Variants in VPS13D observed in about 807,000 individuals in gnomAD.
The protein encoded by VPS13D is vacuolar protein sorting 13 homolog D, also known as intermembrane lipid transfer protein VPS13D.
In VPS13D, 187 loss-of-function variants were observed where a neutral mutation model predicts 461.9. That is an observed-to-expected ratio of 0.40 (90% CI 0.36 to 0.46). The LOEUF (loss-of-function observed/expected upper bound fraction) is 0.46, where lower values mean the gene tolerates loss of function less well. Ranked by LOEUF, VPS13D falls within the 20% of genes least tolerant of loss-of-function variation. The pLI, the probability that VPS13D is intolerant of heterozygous loss-of-function variation, is 0.60. For missense variants in VPS13D, 4,711 were observed against 5,364.9 expected, an observed-to-expected ratio of 0.88 and a Z score of 3.81; for synonymous variants, 1,951 against 1,986.3, an observed-to-expected ratio of 0.98 and a Z score of 0.47.
chr1:12,299,507 A>G lies in VPS13D; in HGVS notation c.6216+123A>G. 1 of 1,147,656 alleles carries G rather than the reference A, an allele frequency of 8.7e-7. No individual in the cohort carries two copies. The highest frequency in any genetic ancestry group is 1.2e-6 in the Non-Finnish European group (1 of 850,902). 71.1% of individuals were successfully genotyped at this position (1,147,656 alleles called of 1,614,324 possible). On this transcript the variant is annotated intron_variant, in intron 25 of 69. Coordinates refer to ENST00000620676, the MANE Select transcript of VPS13D (RefSeq NM_015378.4). This position sits in a 1 kb window ranked among gnomAD's most constrained non-coding sequence, Gnocchi z 4.2. ...TACTTTTGTAGGGTATGTGGCTTGA[A>G]GAATTTTTTTTGGCATTTTATTGAT... is the stretch of plus-strand genomic sequence containing the variant.
At chr1:12,257,820 G>A in intron 9 of VPS13D, 115 bp from the exon 10 acceptor site, 1 of 1,277,732 alleles carries the variant, frequency 7.8e-7, no homozygotes. Context: ...ACTGGTGGCT[G>A]ACAAGAGAAA....
chr1:12,503,791 A>G (rs926975086), intron 68 of VPS13D, among the ~76,000 whole-genome samples: 4 of 152,170 alleles, frequency 2.6e-5, no homozygotes, highest in Non-Finnish European at 4.4e-5. Flanking sequence ...TCGTGGACCA[A>G]AAGCAGGCCT....
intron 65 of VPS13D, among the ~76,000 whole-genome samples, chr1:12,429,796 C>T (rs1248227191): frequency 6.6e-6 from 1 of 152,188 alleles, no homozygotes; most frequent in African/African-American, 2.4e-5. Flanking sequence ...TGACCTGGCT[C>T]TCATGAAGCC....
intron 57 of VPS13D, among the ~76,000 whole-genome samples, chr1:12,380,541 C>G (rs1644259775): frequency 6.6e-6 from 1 of 152,188 alleles, no homozygotes; most frequent in Non-Finnish European, 1.5e-5. Flanking sequence ...TGGCAAATTA[C>G]CAAGGGTTTG....
intron 54 of VPS13D, among the ~76,000 whole-genome samples, chr1:12,373,190 A>G (rs964846157): frequency 1.5e-5 from 2 of 136,928 alleles, no homozygotes; most frequent in Non-Finnish European, 3.0e-5. Flanking sequence ...GTGCAGTCTC[A>G]GCTCACTGCA....
At chr1:12,486,590 C>T (rs973420214) in intron 67 of VPS13D, among the ~76,000 whole-genome samples, 4 of 152,210 alleles carry the variant, frequency 2.6e-5, no homozygotes, top group Non-Finnish European at 4.4e-5. Flanking sequence ...GGCAGCTCTC[C>T]AGTTGCCCTC....
intron 2 of VPS13D, among the ~76,000 whole-genome samples, chr1:12,240,850 C>CA (rs1428218195): frequency 6.6e-6 from 1 of 151,460 alleles, no homozygotes; most frequent in Non-Finnish European, 1.5e-5. Context: ...CCCATGTGGA[C>CA]AAATGTTCCT....
intron 36 of VPS13D, 34 bp downstream of exon 36, chr1:12,327,888 A>T (rs555669172): frequency 2.5e-6 from 4 of 1,598,944 alleles, no homozygotes; most frequent in Non-Finnish European, 1.7e-6. Context: ...ATTCATCTTG[A>T]ATATTTCCAG....
chr1:12,309,419 C>T (rs1230322080), intron 27 of VPS13D, among the ~76,000 whole-genome samples: 2 of 151,290 alleles, frequency 1.3e-5, no homozygotes, highest in Non-Finnish European at 2.9e-5. Context: ...CCATGTTGGC[C>T]AGGATGGTCT....
In VPS13D at chr1:12,277,286, A is replaced by G. The variant is rs1434348339; in HGVS notation, c.3698A>G (p.Gln1233Arg). 3.7e-6 allele frequency: 6 copies of G among 1,614,228 alleles called. No individual in the cohort carries two copies. The highest frequency in any genetic ancestry group is 1.7e-5 in the Admixed American group (1 of 60,030). The change falls in exon 19 of 70, where the codon CAG becomes CGG. Residue 1233 changes from glutamine to arginine, a missense_variant. Around this residue, in one of 3 missense-constraint regions of VPS13D, gnomAD observed 4,411 missense variants for 4,937.8 expected, o/e 0.89. Coordinates refer to ENST00000620676, the MANE Select transcript of VPS13D (RefSeq NM_015378.4). The stretch of plus-strand genomic sequence containing the variant: ...TTGACACAAGATAACGTTAAAAACC[A>G]GTATGTTGTCAGCATTGGGAATTCT... ...MDLTQDNVKN[Q>R]YVVSIGNSVG...
At chr1:12,310,497 C>T (rs1292019921) in intron 27 of VPS13D, among the ~76,000 whole-genome samples, 2 of 152,094 alleles carry the variant, frequency 1.3e-5, no homozygotes, top group Non-Finnish European at 2.9e-5. Context: ...TGTGCCCCTC[C>T]CCCTCTTCAA....
chr1:12,459,445 T>G (rs996546205), intron 66 of VPS13D, among the ~76,000 whole-genome samples: 2 of 152,060 alleles, frequency 1.3e-5, no homozygotes, highest in African/African-American at 4.8e-5. Flanking sequence ...CTACATTTAG[T>G]TATCTCTCTC....
At chr1:12,319,021 T>C (rs1254577625) in intron 31 of VPS13D, among the ~76,000 whole-genome samples, 5 of 152,206 alleles carry the variant, frequency 3.3e-5, no homozygotes, top group Non-Finnish European at 7.3e-5. Context: ...GTTGAAAACT[T>C]ACTGATTTCA....
Position 12,276,901 on chromosome 1 carries a change from C to G in VPS13D, c.3313C>G (p.Leu1105Val). ...NLDSTLQVIS[L>V]QVNNLDIILN... ...AGACAGTACTCTTCAGGTGATTTCC[C>G]TACAGGTGAATAATTTAGATATTAT... The change falls in exon 19 of 70, where the codon CTA (leucine) becomes GTA (valine). Residue 1105 changes from leucine to valine, a missense_variant. Leu to Val is a conservative substitution (Grantham distance 32). Coordinates refer to ENST00000620676, the MANE Select transcript of VPS13D (RefSeq NM_015378.4). This position sits in a 1 kb window ranked among gnomAD's most constrained non-coding sequence, Gnocchi z 4.5. 1 of 1,614,182 alleles carries G rather than the reference C, an allele frequency of 6.2e-7. No individual in the cohort carries two copies. The highest frequency in any genetic ancestry group is 8.5e-7 in the Non-Finnish European group (1 of 1,180,028).
intron 24 of VPS13D, among the ~76,000 whole-genome samples, chr1:12,296,567 T>G (rs1335647045): frequency 6.6e-6 from 1 of 152,230 alleles, no homozygotes; most frequent in Admixed American, 6.5e-5. Context: ...ATCTATTAGT[T>G]TAACCATTTT....
At position 12,318,119 on chromosome 1, in the gene VPS13D, G is replaced by T. The variant is rs201376188; in HGVS notation, c.7196G>T (p.Arg2399Leu). ...TTTACAGTAGTTCTCAACAATCTCCGTGTGTTTCTCATATTTGACTGGCTA... is the reference window on the plus strand; with the variant it reads ...TTTACAGTAGTTCTCAACAATCTCCTTGTGTTTCTCATATTTGACTGGCTA... ...SCFTVVLNNLRVFLIFDWLLL... is the reference protein window; with the variant it reads ...SCFTVVLNNLLVFLIFDWLLL... The change falls in exon 31 of 70, where the codon CGT becomes CTT. Residue 2399 changes from arginine (R) to leucine (L), a missense_variant. Physicochemically the swap from Arg to Leu is moderately radical, Grantham distance 102 (BLOSUM62 -2). Coordinates refer to ENST00000620676, the MANE Select transcript of VPS13D (RefSeq NM_015378.4). The T allele has an allele frequency of 6.2e-7, 1 of 1,613,840 alleles. No individual in the cohort carries two copies. Among genetic ancestry groups the T allele is most frequent in the Non-Finnish European group, 8.5e-7 (1 of 1,179,890 alleles).
intron 10 of VPS13D, among the ~76,000 whole-genome samples, chr1:12,259,282 C>T (rs1641025067): frequency 2.0e-5 from 3 of 151,488 alleles, no homozygotes; most frequent in South Asian, 4.2e-4. Context: ...AGTGATTCAC[C>T]TGCCTCAGCC....
In VPS13D at chr1:12,256,976, C is replaced by G; in HGVS notation, c.841-11C>G. 5 of 1,613,878 alleles carry G rather than the reference C, an allele frequency of 3.1e-6. No individual in the cohort carries two copies. Among genetic ancestry groups the G allele is most frequent in the Non-Finnish European group, 4.2e-6 (5 of 1,179,848 alleles). ...ATTCTAACCTAGTATCTCTTAACCT[C>G]TAATACAAAGCTGCAATACCGGCAA... On this transcript the variant is annotated splice_polypyrimidine_tract_variant and intron_variant, in intron 8 of 69. Transcript: ENST00000620676.
chr1:12,397,060 A>G (rs1644509463), intron 60 of VPS13D, among the ~76,000 whole-genome samples: 1 of 152,026 alleles, frequency 6.6e-6, no homozygotes, highest in African/African-American at 2.4e-5. Flanking sequence ...CAGCCTCCCA[A>G]ATAGATGGGA....
Sources: allele counts gnomAD v4.1 joint callset (sites outside exome capture counted in the v4.1 genomes callset), GRCh38; gene constraint gnomAD v4.1.1; regional missense constraint gnomAD v4.1.1; non-coding constraint Gnocchi (gnomAD v3.1); transcripts MANE v1.5; gene names NCBI Gene and HGNC (gene_info 2026-07-23, HGNC 2026-07-21).